Variants in RBMS3 observed in about 807,000 individuals in gnomAD.
The protein encoded by RBMS3 is RNA binding motif single stranded interacting protein 3.
Under a neutral mutation model 66.8 loss-of-function variants are expected in RBMS3, and 27 were observed. The ratio of observed to expected loss-of-function variants is 0.40; its 90% CI spans 0.30 to 0.56. RBMS3 has a LOEUF of 0.56. RBMS3 is among the 20% of genes least tolerant of loss of function. RBMS3 has a pLI of 0.40. For synonymous variants in RBMS3, 188 were observed against 183.0 expected (o/e 1.03, Z -0.22); for missense variants, 513 against 549.5 (o/e 0.93, Z 0.66).
At chr3:29,818,337 ATT>A (rs58738536) in intron 6 of RBMS3, among the ~76,000 whole-genome samples, 1 of 150,880 alleles carries the variant, frequency 6.6e-6, no homozygotes, top group African/African-American at 2.4e-5. Context: ...ATACAATTCT[ATT>A]TTTTTTCAAA....
At position 29,943,838 on chromosome 3, in the gene RBMS3, C is replaced by T. The variant is rs543341294; in HGVS notation, c.1051-369C>T. 5.3e-5 allele frequency among the ~76,000 whole-genome samples: 8 copies of T among 151,526 alleles called. No individual in the cohort carries two copies. The South Asian group carries it at 8.3e-4, about 16-fold the overall frequency. On this transcript the variant is annotated intron_variant, in intron 11 of 14. Transcript: ENST00000383767. ...TCTTTTGTTCTCCAGGACTTTGTTTCGTATCATGCTCTGGGCCCCCTCTAA... is the reference window on the plus strand; with the variant it reads ...TCTTTTGTTCTCCAGGACTTTGTTTTGTATCATGCTCTGGGCCCCCTCTAA...
chr3:29,928,211 T>TATATATACACACACACAC (rs1291440563), intron 10 of RBMS3, among the ~76,000 whole-genome samples: 1 of 93,508 alleles, frequency 1.1e-5, no homozygotes, highest in African/African-American at 4.2e-5. Flanking sequence ...TATATATATA[T>TATATATACACACACACAC]ACACACACAC....
chr3:29,967,272 ATTC>A (rs1696913241), intron 12 of RBMS3, among the ~76,000 whole-genome samples: 1 of 152,124 alleles, frequency 6.6e-6, no homozygotes, highest in African/African-American at 2.4e-5. Flanking sequence ...ATTGGTACCA[ATTC>A]TTCTTTGAAT....
chr3:29,704,948 T>G (rs1333351766), intron 4 of RBMS3, among the ~76,000 whole-genome samples: 1 of 152,244 alleles, frequency 6.6e-6, no homozygotes, highest in African/African-American at 2.4e-5. Context: ...AAATTCATAA[T>G]GTTGTCAAGA....
chr3:29,892,561 A>G (rs2060026750), intron 8 of RBMS3, among the ~76,000 whole-genome samples: 1 of 151,488 alleles, frequency 6.6e-6, no homozygotes, highest in Non-Finnish European at 1.5e-5. Context: ...CACTGGGTTC[A>G]GTGTAAAAGA....
At chr3:29,475,251 C>CTT (rs35099344) in intron 2 of RBMS3, among the ~76,000 whole-genome samples, 3 of 140,870 alleles carry the variant, frequency 2.1e-5, no homozygotes, top group African/African-American at 2.6e-5. Flanking sequence ...CTTTTCTTTT[C>CTT]TTTTTTTTTT....
At chr3:29,331,815 C>CTTTT (rs11354452) in intron 1 of RBMS3, among the ~76,000 whole-genome samples, 4 of 69,690 alleles carry the variant, frequency 5.7e-5, no homozygotes, top group Non-Finnish European at 7.4e-5. Context: ...AGGATAGCTC[C>CTTTT]TTTTTTTTTT....
rs138143463 is a variant in RBMS3, at chr3:29,597,915, G to C, written c.399+10710G>C. ...ATATCAAAGATAAACTGTCTTCCCT[G>C]GTGTTCATATTTAAGGTAACTGAAC... On this transcript the variant is annotated intron_variant, in intron 4 of 14. Coordinates refer to ENST00000383767, the MANE Select transcript of RBMS3 (RefSeq NM_001003793.3). Among the ~76,000 whole-genome samples, 417 of 151,966 alleles carry C rather than the reference G, an allele frequency of 2.7e-3. 3 individuals are homozygous for C. The highest frequency in any genetic ancestry group is 9.6e-3 in the African/African-American group (396 of 41,440).
In RBMS3 at chr3:29,897,429, C is replaced by G; in HGVS notation, c.842C>G (p.Thr281Arg). 1 of 1,611,240 alleles carries G rather than the reference C, an allele frequency of 6.2e-7. No individual in the cohort carries two copies. The highest frequency in any genetic ancestry group is 1.1e-5 in the South Asian group (1 of 91,028). ...GCAACCAACCGCATGATTCCACAGA[C>G]ATCTATCACGCCATTCATTGCTGCT... is the stretch of plus-strand genomic sequence containing the variant. ...SIATNRMIPQ[T>R]SITPFIAASP... Residue 281 changes from threonine to arginine, a missense_variant, in exon 9 of 15, where the codon ACA becomes AGA. Transcript: ENST00000383767.
intron 3 of RBMS3, among the ~76,000 whole-genome samples, chr3:29,533,736 C>T (rs1196466866): frequency 2.0e-5 from 3 of 151,264 alleles, no homozygotes; most frequent in African/African-American, 7.3e-5. Flanking sequence ...AAGACTGCAC[C>T]ACTGCACTCC....
chr3:29,559,067 T>C (rs1217114325), intron 3 of RBMS3, among the ~76,000 whole-genome samples: 1 of 152,042 alleles, frequency 6.6e-6, no homozygotes, highest in Non-Finnish European at 1.5e-5. Context: ...TTACAGAAAG[T>C]GGTTAAAAAA....
intron 4 of RBMS3, among the ~76,000 whole-genome samples, chr3:29,693,001 G>A (rs2052100867): frequency 1.3e-5 from 2 of 152,014 alleles, no homozygotes; most frequent in African/African-American, 2.4e-5. Context: ...CCTGATTTAT[G>A]TGTCTAGATT....
intron 1 of RBMS3, among the ~76,000 whole-genome samples, chr3:29,282,079 A>G (rs1340089877): frequency 6.6e-6 from 1 of 152,178 alleles, no homozygotes; most frequent in Non-Finnish European, 1.5e-5. Flanking sequence ...AAAGCAGATC[A>G]CAACAGTGAT....
chr3:29,997,645 T>TA (rs1382112371), intron 14 of RBMS3, among the ~76,000 whole-genome samples: 2 of 151,626 alleles, frequency 1.3e-5, no homozygotes, highest in Admixed American at 1.3e-4. Flanking sequence ...ATCCAGCATA[T>TA]AAACAGAGCC....
intron 7 of RBMS3, among the ~76,000 whole-genome samples, chr3:29,872,458 A>G (rs1041155187): frequency 1.3e-5 from 2 of 152,026 alleles, no homozygotes; most frequent in African/African-American, 2.4e-5. Flanking sequence ...CTTCATCTAG[A>G]TAAGTCATTT....
chr3:29,945,070 TTTAA>T (rs535887420), intron 12 of RBMS3, among the ~76,000 whole-genome samples: 4 of 151,760 alleles, frequency 2.6e-5, no homozygotes, highest in Non-Finnish European at 5.9e-5. Context: ...CAGTTAATTT[TTTAA>T]TTAAATAAAA....
At position 29,580,908 on chromosome 3, in the gene RBMS3, T is replaced by C. The variant is rs186731419; in HGVS notation, c.308-6206T>C. Among the ~76,000 whole-genome samples the C allele has an allele frequency of 1.6e-4, 24 of 152,290 alleles. No individual in the cohort carries two copies. In the East Asian group the frequency reaches 3.7e-3, roughly 23 times the overall value. ...TTGTTACCCATGTTATTTTACTCTG[T>C]TTGCTAAGTGTCTGAGGCTGCAACC... On this transcript the variant is annotated intron_variant, in intron 3 of 14. Coordinates refer to ENST00000383767, the MANE Select transcript of RBMS3 (RefSeq NM_001003793.3).
chr3:29,566,374 C>T (rs2046741945), intron 3 of RBMS3, among the ~76,000 whole-genome samples: 1 of 151,938 alleles, frequency 6.6e-6, no homozygotes, highest in Non-Finnish European at 1.5e-5. Context: ...CTCAATGTGG[C>T]CAAAATATAG....
intron 1 of RBMS3, among the ~76,000 whole-genome samples, chr3:29,291,437 C>T (rs1439250825): frequency 6.6e-6 from 1 of 151,870 alleles, no homozygotes; most frequent in East Asian, 1.9e-4. Context: ...TTGGATTGAC[C>T]TTTGGCACTG....
Sources: allele counts gnomAD v4.1 joint callset (sites outside exome capture counted in the v4.1 genomes callset), GRCh38; gene constraint gnomAD v4.1.1; transcripts MANE v1.5; gene names NCBI Gene and HGNC (gene_info 2026-07-23, HGNC 2026-07-21).